PALB2: variants seen among roughly 807,000 people sequenced by gnomAD.
The protein encoded by PALB2 is partner and localizer of BRCA2.
Under a neutral mutation model 107.4 loss-of-function variants are expected in PALB2, and 82 were observed. The observed-to-expected ratio is 0.76, with a 90% CI of 0.64 to 0.92. PALB2 has a LOEUF of 0.92. Ranked by LOEUF, PALB2 falls within the 40% of genes least tolerant of loss-of-function variation. PALB2 has a pLI of 0.00. For missense variants in PALB2, 1,374 were observed against 1,379.9 expected, an observed-to-expected ratio of 1.00 and a Z score of 0.07; for synonymous variants, 489 against 496.8, an observed-to-expected ratio of 0.98 and a Z score of 0.21.
At chr16:23,621,899 A>T (rs1044642077) in intron 9 of PALB2, among the ~76,000 whole-genome samples, 17 of 152,074 alleles carry the variant, frequency 1.1e-4, no homozygotes, top group African/African-American at 3.9e-4. Context: ...TACCATGTTG[A>T]TATTCTCTCC....
chr16:23,606,234 T>C (rs1163084308), intron 12 of PALB2, among the ~76,000 whole-genome samples: 1 of 151,738 alleles, frequency 6.6e-6, no homozygotes, highest in Non-Finnish European at 1.5e-5. Context: ...CTGAGGTTCT[T>C]AGGTTCTTAA....
chr16:23,640,951 A>T (rs1006537205), intron 1 of PALB2, 159 bp downstream of exon 1: 4 of 777,328 alleles, frequency 5.1e-6, no homozygotes, highest in Non-Finnish European at 8.3e-6. Flanking sequence ...GCACCACGCT[A>T]TTTCCACATT....
rs763937788 is a variant in PALB2, at chr16:23,630,126, A to C, written c.2028T>G (p.Ile676Met). 2 of 1,614,046 alleles carry C rather than the reference A, an allele frequency of 1.2e-6. No individual in the cohort carries two copies. Among genetic ancestry groups the C allele is most frequent in the Admixed American group, 1.7e-5 (1 of 60,000 alleles). The change falls in exon 5 of 13, where the codon ATT becomes ATG. Residue 676 changes from isoleucine to methionine, a missense_variant. Transcript: ENST00000261584. ...TGGGATGTGATTTTCCTGGTAGAAC[A>C]ATAAGGTCCTCTTCTAAGTCCTCCA... The part of the protein sequence containing the change: ...TEMEDLEEDL[I>M]VLPGKSHPKR...
intron 1 of PALB2, among the ~76,000 whole-genome samples, chr16:23,639,007 C>T (rs1374344415): frequency 6.6e-6 from 1 of 152,152 alleles, no homozygotes; most frequent in Non-Finnish European, 1.5e-5. Context: ...ACACAGTAGG[C>T]ATTTAACAAA....
chr16:23,618,136 A>G (rs1181336817), intron 10 of PALB2, among the ~76,000 whole-genome samples: 2 of 151,948 alleles, frequency 1.3e-5, no homozygotes, highest in East Asian at 3.9e-4. Context: ...TCATCTCTAC[A>G]AAAAATTTAA....
intron 11 of PALB2, 109 bp downstream of exon 11, chr16:23,613,895 A>C: frequency 1.2e-6 from 1 of 806,972 alleles, no homozygotes; most frequent in Non-Finnish European, 2.1e-6. Context: ...TCCAATTTTG[A>C]AAAAAGATGC....
chr16:23,610,113 G>A (rs1966557244), intron 11 of PALB2, among the ~76,000 whole-genome samples: 2 of 152,142 alleles, frequency 1.3e-5, no homozygotes, highest in South Asian at 2.1e-4. Flanking sequence ...TCTCCATAAA[G>A]TTTTATTAGA....
chr16:23,610,141 C>T (rs1221704965), intron 11 of PALB2, among the ~76,000 whole-genome samples: 1 of 152,154 alleles, frequency 6.6e-6, no homozygotes, highest in Non-Finnish European at 1.5e-5. Context: ...TACATCTATC[C>T]ATTTGCATAC....
chr16:23,629,237 G>GT lies in PALB2; in HGVS notation c.2552dup (p.Asn851LysfsTer33). The GT allele has an allele frequency of 6.2e-7, 1 of 1,613,716 alleles. No homozygotes were observed. The highest frequency in any genetic ancestry group is 8.5e-7 in the Non-Finnish European group (1 of 1,179,942). On this transcript the variant is annotated frameshift_variant, in exon 6 of 13. Transcript: ENST00000261584. LOFTEE classifies it high-confidence loss of function. Reference sequence around the variant, plus strand: ...CTGAAACCAATTGTAGGTTGCCTGGGTTTATGCTATCAGAAGCAGGAAGCT... The same window carrying GT: ...CTGAAACCAATTGTAGGTTGCCTGGGTTTTATGCTATCAGAAGCAGGAAGCT...
At position 23,626,292 on chromosome 16, in the gene PALB2, A is replaced by G. The variant is rs776016200; in HGVS notation, c.2692T>C (p.Trp898Arg). 1 of 1,614,168 alleles carries G rather than the reference A, an allele frequency of 6.2e-7. No individual in the cohort carries two copies. Among genetic ancestry groups the G allele is most frequent in the South Asian group, 1.1e-5 (1 of 91,086 alleles). ...ITACEDVVSL[W>R]KALDAWQWEK... ...CACTGCCAAGCATCCAGAGCTTTCC[A>G]AAGAGAAACTACATCTTCGCAAGCA... Residue 898 changes from tryptophan (W) to arginine (R), a missense_variant, in exon 7 of 13, where the codon TGG (tryptophan) becomes CGG (arginine). By Grantham distance (101) the Trp-to-Arg change is moderately radical. Coordinates refer to ENST00000261584, the MANE Select transcript of PALB2 (RefSeq NM_024675.4).
rs1555460565 is a variant in PALB2 at position 23,630,189 on chromosome 16, A to T, written c.1965T>A (p.Phe655Leu). Residue 655 changes from phenylalanine (F) to leucine (L), a missense_variant, in exon 5 of 13, where the codon TTT (phenylalanine) becomes TTA (leucine). Coordinates refer to ENST00000261584, the MANE Select transcript of PALB2 (RefSeq NM_024675.4). ...ERHLKEGSCI[F>L]PEELSPKRMD... ...TGCGTTTAGGACTCAGTTCCTCTGG[A>T]AAAATACAGCTTCCCTCTTTAAGAT... The T allele has an allele frequency of 6.2e-7, 1 of 1,614,148 alleles. No homozygotes were observed. The highest frequency in any genetic ancestry group is 8.5e-7 in the Non-Finnish European group (1 of 1,180,024).
At chr16:23,609,313 A>G (rs1966541124) in intron 11 of PALB2, among the ~76,000 whole-genome samples, 1 of 152,162 alleles carries the variant, frequency 6.6e-6, no homozygotes. Context: ...TAATCCCATC[A>G]ACTTGGCAGG....
intron 12 of PALB2, chr16:23,606,100 A>G (rs1410693482): frequency 6.6e-6 from 1 of 152,206 alleles, no homozygotes; most frequent in African/African-American, 2.4e-5. Flanking sequence ...TTGAAAAGTG[A>G]CAAAGGAAAT....
At chr16:23,620,076 C>T (rs977596317) in intron 10 of PALB2, among the ~76,000 whole-genome samples, 15 of 152,088 alleles carry the variant, frequency 9.9e-5, no homozygotes, top group African/African-American at 2.9e-4. Flanking sequence ...CACCCGTGCC[C>T]GGCCCTGATT....
chr16:23,638,045 T>G (rs1486482273), intron 2 of PALB2, 25 bp downstream of exon 2: 1 of 1,610,362 alleles, frequency 6.2e-7, no homozygotes, highest in East Asian at 2.2e-5. Context: ...TATAACACCT[T>G]AATTTGAGAA....
chr16:23,618,474 G>C (rs986701979), intron 10 of PALB2, among the ~76,000 whole-genome samples: 5 of 152,082 alleles, frequency 3.3e-5, no homozygotes, highest in Non-Finnish European at 7.3e-5. Context: ...TAGAGCACCG[G>C]GGAAATAAAA....
chr16:23,634,989 G>A lies in PALB2; in HGVS notation c.1557C>T (p.Ala519=), dbSNP rs752349785. Residue 519 remains alanine (A), a synonymous_variant, in exon 4 of 13, where the codon GCC becomes GCT. Coordinates refer to ENST00000261584, the MANE Select transcript of PALB2 (RefSeq NM_024675.4). ...CACAATGATCTGATGCTGGGGTGCA[G>A]GCTGATTTTCTTTTTCCTGTGTATC... ...GRRYTGKRKS[A]CTPASDHCEP... 3.1e-6 allele frequency: 5 copies of A among 1,614,080 alleles called. No homozygotes were observed. The highest frequency in any genetic ancestry group is 1.7e-5 in the Admixed American group (1 of 60,000).
intron 10 of PALB2, among the ~76,000 whole-genome samples, chr16:23,619,417 G>A (rs117101510): frequency 0.033 from 5,048 of 151,904 alleles, 118 homozygotes; most frequent in Middle Eastern, 0.088. Context: ...GCGCGATCTC[G>A]GCTCACTGCA....
chr16:23,611,523 C>G (rs1184675062), intron 11 of PALB2, among the ~76,000 whole-genome samples: 3 of 151,406 alleles, frequency 2.0e-5, no homozygotes, highest in Non-Finnish European at 4.4e-5. Context: ...CAGTGGCACA[C>G]TCTCGGCTCA....
Sources: gnomAD v4.1 joint callset for allele counts (sites outside exome capture counted in the v4.1 genomes callset) on GRCh38, gnomAD v4.1.1 for gene constraint, MANE v1.5 for transcripts, NCBI Gene and HGNC (gene_info 2026-07-23, HGNC 2026-07-21) for gene names.